STAU2: variants seen among roughly 807,000 people sequenced by gnomAD.
STAU2 encodes staufen double-stranded RNA binding protein 2.
STAU2 carries 20 observed loss-of-function variants against 65.9 expected under a neutral mutation model. The observed-to-expected ratio is 0.30, with a 90% CI of 0.21 to 0.44. The LOEUF is 0.44. Ranked by LOEUF, STAU2 falls within the 20% of genes least tolerant of loss-of-function variation. The probability of loss-of-function intolerance (pLI) is 1.00; values close to 1 mark genes in which losing one functional copy is unlikely to be tolerated. For missense variants in STAU2, 558 were observed against 683.9 expected (o/e 0.82, Z 2.05); for synonymous variants, 232 against 233.9 (o/e 0.99, Z 0.07).
intron 3 of STAU2, among the ~76,000 whole-genome samples, chr8:73,715,266 G>A (rs184805253): frequency 2.3e-4 from 35 of 151,730 alleles, no homozygotes; most frequent in Admixed American, 2.0e-3. Context: ...TGAAAGCCTG[G>A]CCAACATGGT....
chr8:73,584,955 C>G (rs988894806), intron 11 of STAU2, among the ~76,000 whole-genome samples: 40 of 152,324 alleles, frequency 2.6e-4, no homozygotes, highest in Admixed American at 9.1e-4. Context: ...TCCTACCATA[C>G]TTTTAATTTT....
At chr8:73,593,431 C>T (rs1810963919) in intron 11 of STAU2, among the ~76,000 whole-genome samples, 1 of 152,176 alleles carries the variant, frequency 6.6e-6, no homozygotes, top group South Asian at 2.1e-4. Context: ...ACTTAAAGAA[C>T]GATCAGCTCC....
At chr8:73,636,101 C>G (rs906610259) in intron 6 of STAU2, among the ~76,000 whole-genome samples, 3 of 152,012 alleles carry the variant, frequency 2.0e-5, no homozygotes, top group African/African-American at 7.2e-5. Context: ...CGCCTATAAT[C>G]CTAACACCTT....
intron 12 of STAU2, among the ~76,000 whole-genome samples, chr8:73,569,926 T>C (rs12115178): frequency 0.072 from 10,899 of 152,162 alleles, 1,042 homozygotes; most frequent in African/African-American, 0.22. Context: ...GGAATACAGC[T>C]CCTCGCCAGC....
At chr8:73,496,054 C>A (rs1016258309) in intron 13 of STAU2, among the ~76,000 whole-genome samples, 12 of 151,398 alleles carry the variant, frequency 7.9e-5, no homozygotes, top group Non-Finnish European at 1.6e-4. Context: ...CTTTGAAATC[C>A]AATTCAAAAA....
chr8:73,546,119 T>TTTTA (rs1806904498), intron 13 of STAU2, among the ~76,000 whole-genome samples: 1 of 104,946 alleles, frequency 9.5e-6, no homozygotes, highest in African/African-American at 3.6e-5. Flanking sequence ...TTTTGTTTGG[T>TTTTA]TTTCTTTTTT....
At chr8:73,552,479 A>G (rs762282717) in intron 12 of STAU2, among the ~76,000 whole-genome samples, 160 bp from the exon 13 acceptor site, 5 of 152,192 alleles carry the variant, frequency 3.3e-5, no homozygotes, top group Non-Finnish European at 5.9e-5. Flanking sequence ...TGCAGCTTCT[A>G]TTGAAAGGTG....
At chr8:73,490,283 G>A (rs996097886) in intron 13 of STAU2, among the ~76,000 whole-genome samples, 4 of 151,906 alleles carry the variant, frequency 2.6e-5, no homozygotes, top group Admixed American at 6.6e-5. Flanking sequence ...TGGACACCGC[G>A]CAACCCTCTG....
At chr8:73,515,077 A>T (rs1372580276) in intron 13 of STAU2, among the ~76,000 whole-genome samples, 3 of 152,184 alleles carry the variant, frequency 2.0e-5, no homozygotes, top group African/African-American at 7.2e-5. Context: ...TGAAGACCTT[A>T]ACTCTTACAT....
intron 6 of STAU2, among the ~76,000 whole-genome samples, chr8:73,634,461 G>A (rs1281275247): frequency 6.6e-6 from 1 of 152,114 alleles, no homozygotes; most frequent in Non-Finnish European, 1.5e-5. Flanking sequence ...CTGGGAGGCA[G>A]AAGACATAGT....
intron 13 of STAU2, among the ~76,000 whole-genome samples, chr8:73,437,170 T>G (rs916650194): frequency 6.6e-6 from 1 of 152,140 alleles, no homozygotes; most frequent in Non-Finnish European, 1.5e-5. Context: ...CCCCCAAAGA[T>G]GCCCATGTCC....
intron 3 of STAU2, among the ~76,000 whole-genome samples, chr8:73,719,221 G>A (rs1031895491): frequency 1.4e-4 from 21 of 152,228 alleles, no homozygotes; most frequent in African/African-American, 4.6e-4. Flanking sequence ...GGCCAACCTG[G>A]TGAAACCCCG....
At chr8:73,665,184 T>A (rs1382570691) in intron 6 of STAU2, among the ~76,000 whole-genome samples, 1 of 152,060 alleles carries the variant, frequency 6.6e-6, no homozygotes, top group Non-Finnish European at 1.5e-5. Flanking sequence ...AATCCTAATT[T>A]AACATTAATG....
At chr8:73,665,137 G>T (rs1395167390) in intron 6 of STAU2, among the ~76,000 whole-genome samples, 3 of 152,030 alleles carry the variant, frequency 2.0e-5, no homozygotes, top group Non-Finnish European at 4.4e-5. Context: ...ATGCGTCTTT[G>T]TTATGGGTTT....
At chr8:73,714,718 C>A (rs1821121144) in intron 3 of STAU2, among the ~76,000 whole-genome samples, 1 of 152,102 alleles carries the variant, frequency 6.6e-6, no homozygotes, top group South Asian at 2.1e-4. Context: ...TAAAGCAAAA[C>A]ATACCACATA....
At chr8:73,432,570 T>C (rs768060461) in intron 13 of STAU2, among the ~76,000 whole-genome samples, 4 of 152,202 alleles carry the variant, frequency 2.6e-5, no homozygotes, top group Non-Finnish European at 4.4e-5. Flanking sequence ...CAAAAAGACA[T>C]TTGTATATTT....
At chr8:73,717,044 G>A (rs1821298130) in intron 3 of STAU2, among the ~76,000 whole-genome samples, 1 of 152,152 alleles carries the variant, frequency 6.6e-6, no homozygotes, top group Admixed American at 6.5e-5. Flanking sequence ...AGGGGCTGCA[G>A]TGAGCCAAGA....
chr8:73,654,134 C>T (rs73686891), intron 6 of STAU2, among the ~76,000 whole-genome samples: 28,696 of 151,956 alleles, frequency 0.19, 2,929 homozygotes, highest in East Asian at 0.37. Flanking sequence ...GACTCAAAAG[C>T]ATTTACATGT....
At chr8:73,692,390 G>A (rs926236204) in intron 4 of STAU2, among the ~76,000 whole-genome samples, 1 of 151,928 alleles carries the variant, frequency 6.6e-6, no homozygotes, top group Non-Finnish European at 1.5e-5. Context: ...TAGAGACGGG[G>A]TTTCACTATG....
Sources: gnomAD v4.1 joint callset for allele counts (sites outside exome capture counted in the v4.1 genomes callset) on GRCh38, gnomAD v4.1.1 for gene constraint, MANE v1.5 for transcripts, NCBI Gene and HGNC (gene_info 2026-07-23, HGNC 2026-07-21) for gene names.